HPSE2: variants seen among roughly 807,000 people sequenced by gnomAD.
HPSE2 encodes inactive heparanase-2.
A neutral mutation model predicts 60.5 loss-of-function variants in HPSE2; 38 were observed. That is an observed-to-expected ratio of 0.63 (90% confidence interval 0.48 to 0.82). The LOEUF (loss-of-function observed/expected upper bound fraction) is 0.82. Among genes scored for constraint, HPSE2 ranks in the 40% least tolerant of loss-of-function variants. The pLI, the probability that HPSE2 is intolerant of heterozygous loss-of-function variation, is 0.00. For synonymous variants in HPSE2, 295 were observed against 293.2 expected, an observed-to-expected ratio of 1.01 and a Z score of -0.06; for missense variants, 713 against 740.4, an observed-to-expected ratio of 0.96 and a Z score of 0.43.
chr10:98,562,533 G>A (rs879439138), intron 9 of HPSE2, among the ~76,000 whole-genome samples: 67 of 152,124 alleles, frequency 4.4e-4, no homozygotes, highest in South Asian at 1.7e-3. Flanking sequence ...TGGCTAACAA[G>A]GTGAAACCCC....
chr10:98,986,480 C>T lies in HPSE2; in HGVS notation c.610+157758G>A, dbSNP rs529318640. ...ACACAACATACCAGAATCTCTGGGA[C>T]ACATTCAAAGCAGTGTGTAGAGGGA... is the stretch of plus-strand genomic sequence containing the variant. On this transcript the variant is annotated intron_variant, in intron 3 of 11. Coordinates refer to ENST00000370552, the MANE Select transcript of HPSE2 (RefSeq NM_021828.5). Among the ~76,000 whole-genome samples, 48 of 151,198 alleles carry T rather than the reference C, an allele frequency of 3.2e-4. No homozygotes were observed. The East Asian group carries it at 4.5e-3, about 14-fold the overall frequency.
chr10:98,960,085 A>C (rs1955612765), intron 3 of HPSE2, among the ~76,000 whole-genome samples: 1 of 152,142 alleles, frequency 6.6e-6, no homozygotes, highest in Non-Finnish European at 1.5e-5. Context: ...GATTCACCAA[A>C]ATACTTCCAA....
chr10:99,096,497 T>C (rs1329421126), intron 3 of HPSE2, among the ~76,000 whole-genome samples: 1 of 152,176 alleles, frequency 6.6e-6, no homozygotes, highest in Non-Finnish European at 1.5e-5. Flanking sequence ...AAAATAAGAA[T>C]GTCCTAAATA....
intron 3 of HPSE2, among the ~76,000 whole-genome samples, chr10:98,939,424 G>A (rs1322779901): frequency 7.0e-6 from 1 of 143,096 alleles, no homozygotes; most frequent in Non-Finnish European, 1.5e-5. Context: ...AAAGGCAGGG[G>A]TTGCAATCCT....
intron 4 of HPSE2, among the ~76,000 whole-genome samples, chr10:98,727,109 T>G (rs1488075316): frequency 3.3e-5 from 5 of 152,114 alleles, no homozygotes; most frequent in African/African-American, 1.2e-4. Flanking sequence ...ACTTAAGAGA[T>G]ATCAGTAGCT....
At chr10:98,901,712 T>G (rs1292738515) in intron 3 of HPSE2, among the ~76,000 whole-genome samples, 1 of 152,210 alleles carries the variant, frequency 6.6e-6, no homozygotes, top group Non-Finnish European at 1.5e-5. Flanking sequence ...TTATATAACA[T>G]GTGCTCTGAG....
chr10:99,152,943 C>T (rs548932137), intron 2 of HPSE2, among the ~76,000 whole-genome samples: 5 of 152,340 alleles, frequency 3.3e-5, no homozygotes, highest in South Asian at 2.1e-4. Flanking sequence ...ACTTGGGAAG[C>T]GCAAGGGGTC....
intron 3 of HPSE2, among the ~76,000 whole-genome samples, chr10:99,016,331 T>C (rs1037313000): frequency 2.6e-5 from 4 of 152,188 alleles, no homozygotes; most frequent in Non-Finnish European, 5.9e-5. Flanking sequence ...TTGTCGAAGA[T>C]CAGACAGTTG....
chr10:98,620,130 G>A lies in HPSE2; in HGVS notation c.1205+472C>T, dbSNP rs553931679. Among the ~76,000 whole-genome samples the A allele has an allele frequency of 1.1e-4, 17 of 152,236 alleles. No homozygotes were observed. In the South Asian group the frequency reaches 3.1e-3, roughly 28 times the overall value. On this transcript the variant is annotated intron_variant, in intron 8 of 11. Transcript: ENST00000370552. ...ATATAAATAAAGCACTTCAGACAGC[G>A]GTAAGCACCGTATCATTAAAAGTAT...
At chr10:98,483,599 C>G (rs1941328628) in intron 10 of HPSE2, among the ~76,000 whole-genome samples, 1 of 152,152 alleles carries the variant, frequency 6.6e-6, no homozygotes, top group Non-Finnish European at 1.5e-5. Context: ...ATTTTTTCTT[C>G]CTGCCCTACT....
intron 5 of HPSE2, among the ~76,000 whole-genome samples, chr10:98,704,662 G>T (rs967765115): frequency 1.3e-5 from 2 of 152,122 alleles, no homozygotes; most frequent in Admixed American, 1.3e-4. Flanking sequence ...AATGGAGAAA[G>T]GATTCCCTAT....
the HPSE2 span, among the ~76,000 whole-genome samples, chr10:99,297,722 C>T: frequency 6.6e-6 from 1 of 152,088 alleles, no homozygotes; most frequent in African/African-American, 2.4e-5. Flanking sequence ...CCAACTTGGT[C>T]TTGGGTTCAC....
intron 9 of HPSE2, among the ~76,000 whole-genome samples, chr10:98,562,159 A>G (rs1944205381): frequency 6.6e-6 from 1 of 152,148 alleles, no homozygotes. Context: ...TGCCTACAGT[A>G]TTTAATATGG....
At chr10:99,280,657 T>C in the HPSE2 span, among the ~76,000 whole-genome samples, 1 of 152,134 alleles carries the variant, frequency 6.6e-6, no homozygotes, top group African/African-American at 2.4e-5. Context: ...CCCTACCTAC[T>C]TTGCATATGT....
At chr10:98,775,160 T>A (rs889785960) in intron 3 of HPSE2, among the ~76,000 whole-genome samples, 1 of 152,226 alleles carries the variant, frequency 6.6e-6, no homozygotes, top group Non-Finnish European at 1.5e-5. Context: ...ATTTCCTTTC[T>A]TTTTCTTCTG....
rs991235764 is a variant in HPSE2, at chr10:98,821,308, T to C, written c.611-77252A>G. On this transcript the variant is annotated intron_variant, in intron 3 of 11. Transcript: ENST00000370552. Reference sequence around the variant, plus strand: ...CTAGGCTTCTACATACCTAGTTATATGATATTGCCTACTGCTCCTAGGCTA... The same window carrying C: ...CTAGGCTTCTACATACCTAGTTATACGATATTGCCTACTGCTCCTAGGCTA... 4.6e-5 allele frequency among the ~76,000 whole-genome samples: 7 copies of C among 152,330 alleles called. No individual in the cohort carries two copies. In the South Asian group the frequency reaches 1.0e-3, roughly 23 times the overall value.
At chr10:98,868,361 G>C (rs1952646184) in intron 3 of HPSE2, among the ~76,000 whole-genome samples, 1 of 151,972 alleles carries the variant, frequency 6.6e-6, no homozygotes, top group Admixed American at 6.6e-5. Flanking sequence ...GTAGGGAGGT[G>C]GTGTGGGCAG....
intron 3 of HPSE2, among the ~76,000 whole-genome samples, chr10:99,035,940 G>C (rs1957599547): frequency 6.6e-6 from 1 of 152,328 alleles, no homozygotes; most frequent in African/African-American, 2.4e-5. Context: ...GGCTGAGCCT[G>C]GTGGCCTATG....
chr10:98,544,317 A>G (rs903516782), intron 9 of HPSE2, among the ~76,000 whole-genome samples: 1 of 152,240 alleles, frequency 6.6e-6, no homozygotes, highest in Non-Finnish European at 1.5e-5. Flanking sequence ...AATCTCTGGG[A>G]CACATTCAAA....
Sources: allele counts gnomAD v4.1 joint callset (sites outside exome capture counted in the v4.1 genomes callset), GRCh38; gene constraint gnomAD v4.1.1; transcripts MANE v1.5; gene names NCBI Gene and HGNC (gene_info 2026-07-23, HGNC 2026-07-21).